The following TP73 variants were observed in gnomAD, a reference collection of about 807,000 sequenced individuals.
The protein encoded by TP73 is p53-like transcription factor.
TP73 carries 25 observed loss-of-function variants against 62.5 expected under a neutral mutation model. The observed-to-expected ratio is 0.40, with a 90% CI of 0.29 to 0.56. The LOEUF (loss-of-function observed/expected upper bound fraction) is 0.56. Ranked by LOEUF, TP73 falls within the 20% of genes least tolerant of loss-of-function variation. The probability of loss-of-function intolerance (pLI) is 0.46; values close to 1 mark genes in which losing one functional copy is unlikely to be tolerated. For missense variants in TP73, 754 were observed against 913.3 expected, an observed-to-expected ratio of 0.83 and a Z score of 2.25; for synonymous variants, 423 against 377.5, an observed-to-expected ratio of 1.12 and a Z score of -1.40.
Position 3,730,119 on chromosome 1 carries a change from C to G in TP73, c.1316C>G (p.Ser439Trp), listed in dbSNP as rs760067757. The G allele has an allele frequency of 6.4e-7, 1 of 1,569,956 alleles. No homozygotes were observed. The highest frequency in any genetic ancestry group is 8.6e-7 in the Non-Finnish European group (1 of 1,157,488). Residue 439 changes from serine (S) to tryptophan (W), a missense_variant, in exon 11 of 14, where the codon TCG becomes TGG. Transcript: ENST00000378295. ...GTGGGCCAGCCTCCCCCGCACAGTT[C>G]GGCAGCTACACCCAACCTGGGGCCC... ...QLVGQPPPHS[S>W]AATPNLGPVG...
At chr1:3,710,715 G>A (rs1263598061) in intron 4 of TP73, among the ~76,000 whole-genome samples, 4 of 152,182 alleles carry the variant, frequency 2.6e-5, no homozygotes, top group Non-Finnish European at 5.9e-5. Flanking sequence ...ACAGGTCTGT[G>A]CATATGTGTG....
At chr1:3,692,829 A>G (rs1412743558) in intron 3 of TP73, among the ~76,000 whole-genome samples, 2 of 151,916 alleles carry the variant, frequency 1.3e-5, no homozygotes, top group African/African-American at 2.4e-5. Flanking sequence ...CGCAGACGCC[A>G]TTCCCGGGAG....
chr1:3,727,330 A>G, intron 7 of TP73, 106 bp downstream of exon 7: 2 of 1,193,126 alleles, frequency 1.7e-6, no homozygotes, highest in Non-Finnish European at 1.2e-6. Context: ...TAGCTTGGGG[A>G]AGAGACTTTG....
intron 10 of TP73, 157 bp from the exon 11 acceptor site, chr1:3,729,843 G>T: frequency 8.8e-7 from 1 of 1,138,838 alleles, no homozygotes; most frequent in South Asian, 1.6e-5. Context: ...GCCGTGCATG[G>T]CCATGGTTGG....
At chr1:3,697,528 G>A (rs549151812) in intron 3 of TP73, among the ~76,000 whole-genome samples, 1 of 152,226 alleles carries the variant, frequency 6.6e-6, no homozygotes, top group South Asian at 2.1e-4. Flanking sequence ...CCCTGTGCCT[G>A]GCTCTGTGTT....
At chr1:3,688,479 C>T (rs1192314688) in intron 3 of TP73, among the ~76,000 whole-genome samples, 4 of 152,190 alleles carry the variant, frequency 2.6e-5, no homozygotes, top group African/African-American at 4.8e-5. Context: ...GCGGCAGCGT[C>T]GTTCCCCCCT....
intron 3 of TP73, among the ~76,000 whole-genome samples, chr1:3,695,552 C>T (rs1214842300): frequency 6.6e-6 from 1 of 152,218 alleles, no homozygotes; most frequent in Non-Finnish European, 1.5e-5. Flanking sequence ...ACGGACGGAT[C>T]TGGAGCTTTG....
intron 1 of TP73, among the ~76,000 whole-genome samples, chr1:3,660,764 G>C (rs1239619170): frequency 2.6e-5 from 4 of 152,224 alleles, no homozygotes; most frequent in Non-Finnish European, 5.9e-5. Flanking sequence ...TAGAATTATA[G>C]TTGCTTGCAA....
intron 1 of TP73, chr1:3,658,987 G>A (rs1345078538): frequency 5.9e-5 from 9 of 152,106 alleles, no homozygotes; most frequent in African/African-American, 1.2e-4. Flanking sequence ...TTGGGGTGAC[G>A]TATTCTGGTC....
rs775098146 is a variant in TP73, at chr1:3,732,735, G to C, written c.1579-12G>C. Reference sequence around the variant, plus strand: ...CACTGCCCCCTGCCCCTAATGCGCCGGCCTCTCGCAGGACCTGGGGGCCCT... The same window carrying C: ...CACTGCCCCCTGCCCCTAATGCGCCCGCCTCTCGCAGGACCTGGGGGCCCT... On this transcript the variant is annotated splice_polypyrimidine_tract_variant and intron_variant, in intron 13 of 13. Transcript: ENST00000378295. 6.4e-7 allele frequency: 1 copy of C among 1,553,362 alleles called. No individual in the cohort carries two copies. The highest frequency in any genetic ancestry group is 8.7e-7 in the Non-Finnish European group (1 of 1,147,190).
At chr1:3,709,970 C>T (rs1349188588) in intron 4 of TP73, among the ~76,000 whole-genome samples, 1 of 152,152 alleles carries the variant, frequency 6.6e-6, no homozygotes, top group Non-Finnish European at 1.5e-5. Context: ...CACCCCCACC[C>T]CCTGCCAGGT....
At chr1:3,656,672 A>G (rs1295344577) in intron 1 of TP73, among the ~76,000 whole-genome samples, 2 of 152,146 alleles carry the variant, frequency 1.3e-5, no homozygotes, top group African/African-American at 2.4e-5. Flanking sequence ...GGGCTGCCAA[A>G]CCATCCTTTG....
chr1:3,673,109 G>A (rs748028393), intron 1 of TP73, among the ~76,000 whole-genome samples: 1 of 152,256 alleles, frequency 6.6e-6, no homozygotes, highest in Non-Finnish European at 1.5e-5. Context: ...ACCGGCTGCC[G>A]CTGCAACTGG....
intron 4 of TP73, among the ~76,000 whole-genome samples, chr1:3,720,912 A>G (rs1013181146): frequency 1.3e-5 from 2 of 152,202 alleles, no homozygotes; most frequent in Non-Finnish European, 2.9e-5. Flanking sequence ...GTGCGATGGG[A>G]CATTCTCCAG....
chr1:3,707,576 A>G lies in TP73; in HGVS notation c.214A>G (p.Met72Val). ...MAQFNLLSSTMDQMSSRAASA... is the reference protein window; with the variant it reads ...MAQFNLLSSTVDQMSSRAASA... ...CCAGTTCAATCTGCTGAGCAGCACC[A>G]TGGACCAGATGAGCAGCCGCGCGGC... The change falls in exon 4 of 14, where the codon ATG (methionine) becomes GTG (valine). Residue 72 changes from methionine to valine, a missense_variant. Met to Val is a conservative substitution (Grantham distance 21). This residue lies in a region of TP73 where 235 missense variants were observed against 251.4 expected (regional missense o/e 0.93). Transcript: ENST00000378295. 2 of 1,611,916 alleles carry G rather than the reference A, an allele frequency of 1.2e-6. No individual in the cohort carries two copies. Among genetic ancestry groups the G allele is most frequent in the East Asian group, 2.2e-5 (1 of 44,808 alleles).
intron 1 of TP73, among the ~76,000 whole-genome samples, chr1:3,655,000 C>T (rs548476042): frequency 9.9e-5 from 15 of 152,244 alleles, no homozygotes; most frequent in Non-Finnish European, 1.5e-4. Context: ...CCTTGCCCAG[C>T]GGCGGTATTA....
intron 1 of TP73, among the ~76,000 whole-genome samples, chr1:3,673,192 G>T (rs1645282876): frequency 6.6e-6 from 1 of 152,252 alleles, no homozygotes; most frequent in Non-Finnish European, 1.5e-5. Context: ...AAAGGGTGCG[G>T]AGACCACTGT....
At chr1:3,660,234 G>C (rs1453177008) in intron 1 of TP73, among the ~76,000 whole-genome samples, 1 of 152,182 alleles carries the variant, frequency 6.6e-6, no homozygotes, top group Non-Finnish European at 1.5e-5. Flanking sequence ...GGTTCCCAAC[G>C]TATTCTTGAG....
At chr1:3,723,698 G>A (rs749935170) in intron 6 of TP73, among the ~76,000 whole-genome samples, 1 of 152,176 alleles carries the variant, frequency 6.6e-6, no homozygotes, top group African/African-American at 2.4e-5. Context: ...CATCCGCCTC[G>A]GGCACTCTCG....
Sources: allele counts gnomAD v4.1 joint callset (sites outside exome capture counted in the v4.1 genomes callset), GRCh38; gene constraint gnomAD v4.1.1; regional missense constraint gnomAD v4.1.1; transcripts MANE v1.5; gene names NCBI Gene and HGNC (gene_info 2026-07-23, HGNC 2026-07-21).